Variants in STK10 observed in about 807,000 individuals in gnomAD.
STK10 encodes serine/threonine kinase 10, also known as serine/threonine-protein kinase 10.
In STK10, 78 loss-of-function variants were observed where a neutral mutation model predicts 113.8. That is an observed-to-expected ratio of 0.69 (90% CI 0.57 to 0.83). The LOEUF (loss-of-function observed/expected upper bound fraction) is 0.83. Among genes scored for constraint, STK10 ranks in the 40% least tolerant of loss-of-function variants. The pLI, the probability that STK10 is intolerant of heterozygous loss-of-function variation, is 0.00. For missense variants in STK10, 1,109 were observed against 1,280.1 expected (o/e 0.87, Z 2.04); for synonymous variants, 465 against 494.7 (o/e 0.94, Z 0.80).
At position 172,082,561 on chromosome 5, in the gene STK10, G is replaced by T; in HGVS notation, c.1810-56C>A. On this transcript the variant is annotated intron_variant, in intron 11 of 18. Transcript: ENST00000176763. This position sits in a 1 kb window ranked among gnomAD's most constrained non-coding sequence, Gnocchi z 4.3. ...GCGAAGTCACTTTATACCTGGGAGGGACATGGGAAGTGGAATGGGGAGAAC... is the reference window on the plus strand; with the variant it reads ...GCGAAGTCACTTTATACCTGGGAGGTACATGGGAAGTGGAATGGGGAGAAC... The T allele has an allele frequency of 6.6e-7, 1 of 1,514,904 alleles. No individual in the cohort carries two copies. The highest frequency in any genetic ancestry group is 8.8e-7 in the Non-Finnish European group (1 of 1,131,328). The allele number at this position is 1,514,904 out of a possible 1,614,324, so 93.8% of individuals were successfully genotyped here.
intron 1 of STK10, among the ~76,000 whole-genome samples, chr5:172,184,087 T>G (rs1581195117): frequency 6.6e-6 from 1 of 152,098 alleles, no homozygotes; most frequent in East Asian, 1.9e-4. Flanking sequence ...AGAAAAACAG[T>G]GCTACTGGCA....
intron 13 of STK10, among the ~76,000 whole-genome samples, chr5:172,061,999 A>G (rs1767948083): frequency 6.8e-6 from 1 of 146,362 alleles, no homozygotes; most frequent in Non-Finnish European, 1.5e-5. Context: ...TTTTTTTGAG[A>G]GAGAGTCTCG....
chr5:172,052,696 C>T (rs989859641), intron 18 of STK10, among the ~76,000 whole-genome samples: 12 of 152,322 alleles, frequency 7.9e-5, no homozygotes, highest in Non-Finnish European at 1.2e-4. Context: ...AGGAGTCCTT[C>T]GGTCCATGAG....
intron 10 of STK10, 53 bp downstream of exon 10, chr5:172,090,179 T>C: frequency 6.2e-7 from 1 of 1,604,572 alleles, no homozygotes; most frequent in East Asian, 2.2e-5. Context: ...TGCCCACTCC[T>C]CTTACCATAG....
At chr5:172,171,105 T>C (rs1006100767) in intron 1 of STK10, among the ~76,000 whole-genome samples, 3 of 152,226 alleles carry the variant, frequency 2.0e-5, no homozygotes, top group South Asian at 2.1e-4. Flanking sequence ...TCGGCCTGTT[T>C]ATTCCATCAA....
chr5:172,119,117 T>C (rs10476004), intron 3 of STK10, among the ~76,000 whole-genome samples: 43,218 of 151,594 alleles, frequency 0.29, 6,995 homozygotes, highest in African/African-American at 0.46. Context: ...ACGCTGCAGA[T>C]CACTCAGTGT....
rs2113850833 is a variant in STK10, at chr5:172,187,759, C to G, written c.156+128G>C. On this transcript the variant is annotated intron_variant, in intron 1 of 18. Coordinates refer to ENST00000176763, the MANE Select transcript of STK10 (RefSeq NM_005990.4). This position sits in a 1 kb window ranked among gnomAD's most constrained non-coding sequence, Gnocchi z 4.6. ...AAAACAAGAGTCATCGGGATGAGGG[C>G]CAGGGACCCCGAATTCAGCGCCGGG... 1 of 1,382,886 alleles carries G rather than the reference C, an allele frequency of 7.2e-7. No homozygotes were observed. The highest frequency in any genetic ancestry group is 2.3e-5 in the Admixed American group (1 of 43,584). 85.7% of individuals were successfully genotyped at this position (1,382,886 alleles called of 1,614,324 possible). A position where few individuals can be genotyped will look rare whatever the true frequency, so the allele number is the denominator to read the frequency against.
At chr5:172,124,843 T>C (rs192069826) in intron 3 of STK10, among the ~76,000 whole-genome samples, 12 of 152,262 alleles carry the variant, frequency 7.9e-5, no homozygotes, top group Admixed American at 3.3e-4. Flanking sequence ...CTTGGTCATA[T>C]GTTAAATTTG....
chr5:172,048,629 ACCACCCTAGTCCAAGCTG>A (rs1330127126), intron 18 of STK10, among the ~76,000 whole-genome samples: 7 of 144,222 alleles, frequency 4.9e-5, no homozygotes, highest in Admixed American at 1.3e-4. Flanking sequence ...AGTTCAAGAT[ACCACCCTAGTCCAAGCTG>A]CCATCATTAG....
At chr5:172,056,946 A>AAGGAAGGAAGGAAGGAAG (rs1561789921) in intron 15 of STK10, 2 of 89,096 alleles carry the variant, frequency 2.2e-5, no homozygotes, top group African/African-American at 1.1e-4. Context: ...AAAGAAAGAA[A>AAGGAAGGAAGGAAGGAAG]GAAAGAAGGA....
rs1265267956 is a variant in STK10, at chr5:172,167,128, C to T, written c.157-10340G>A. The stretch of plus-strand genomic sequence containing the variant: ...TGAGCTGAGATCGTGCCACTGCACT[C>T]CAGCCTGGGAACAGAGCAAGAATCT... On this transcript the variant is annotated intron_variant, in intron 1 of 18. Coordinates refer to ENST00000176763, the MANE Select transcript of STK10 (RefSeq NM_005990.4). 6.0e-5 allele frequency among the ~76,000 whole-genome samples: 9 copies of T among 150,442 alleles called. No individual in the cohort carries two copies. In the East Asian group the frequency reaches 1.8e-3, roughly 29 times the overall value.
At chr5:172,068,772 T>C (rs1175640627) in intron 12 of STK10, among the ~76,000 whole-genome samples, 1 of 151,486 alleles carries the variant, frequency 6.6e-6, no homozygotes, top group East Asian at 1.9e-4. Flanking sequence ...GCCAACATGG[T>C]GAAACCCTGT....
At chr5:172,156,835 A>T (rs1435318290) in intron 1 of STK10, 47 bp from the exon 2 acceptor site, 1 of 1,581,570 alleles carries the variant, frequency 6.3e-7, no homozygotes, top group Admixed American at 1.8e-5. Flanking sequence ...CTCCGCAGGA[A>T]ACTGACCTTT....
At chr5:172,057,297 T>C in intron 15 of STK10, 52 bp downstream of exon 15, 1 of 1,557,738 alleles carries the variant, frequency 6.4e-7, no homozygotes, top group Non-Finnish European at 8.7e-7. Flanking sequence ...CTCATGGCTC[T>C]CCCAGGTCGG....
At position 172,093,475 on chromosome 5, in the gene STK10, G is replaced by GTC. The variant is rs767148487; in HGVS notation, c.1489_1490dup (p.Asp497GlufsTer13). 2 of 1,614,212 alleles carry GTC rather than the reference G, an allele frequency of 1.2e-6. No homozygotes were observed. Among genetic ancestry groups the GTC allele is most frequent in the Non-Finnish European group, 1.7e-6 (2 of 1,180,010 alleles). ...GGTCAGTGGAGAGATTGGTACCATA[G>GTC]TCCATGCTCTCAGAGGTGCAGAGGC... On this transcript the variant is annotated frameshift_variant, in exon 9 of 19. Transcript: ENST00000176763. LOFTEE classifies it high-confidence loss of function. This position sits in a 1 kb window ranked among gnomAD's most constrained non-coding sequence, Gnocchi z 4.1.
At chr5:172,131,448 T>G (rs1225582149) in intron 2 of STK10, among the ~76,000 whole-genome samples, 1 of 152,214 alleles carries the variant, frequency 6.6e-6, no homozygotes, top group East Asian at 1.9e-4. Flanking sequence ...CCCTGTGCCC[T>G]CTCCAGAGGT....
chr5:172,045,070 C>T, intron 18 of STK10, 48 bp from the exon 19 acceptor site: 1 of 1,602,978 alleles, frequency 6.2e-7, no homozygotes. Flanking sequence ...CTGCAGGCCA[C>T]ACGTGGGTCT....
chr5:172,146,843 G>C (rs1054041710), intron 2 of STK10, among the ~76,000 whole-genome samples: 1 of 152,194 alleles, frequency 6.6e-6, no homozygotes, highest in African/African-American at 2.4e-5. Context: ...CAAATGTGGG[G>C]GTTTTCCCCA....
intron 2 of STK10, among the ~76,000 whole-genome samples, chr5:172,151,034 C>A (rs1770217651): frequency 6.6e-6 from 1 of 152,252 alleles, no homozygotes; most frequent in Non-Finnish European, 1.5e-5. Flanking sequence ...GGACAGATTT[C>A]ACACCAGGCC....
Sources: allele counts gnomAD v4.1 joint callset (sites outside exome capture counted in the v4.1 genomes callset), GRCh38; gene constraint gnomAD v4.1.1; non-coding constraint Gnocchi (gnomAD v3.1); transcripts MANE v1.5; gene names NCBI Gene and HGNC (gene_info 2026-07-23, HGNC 2026-07-21).